The following JPH2 variants were observed in gnomAD, a reference collection of about 807,000 sequenced individuals.
The protein encoded by JPH2 is junctophilin-2.
In JPH2, 38 loss-of-function variants were observed where a neutral mutation model predicts 55.9. That is an observed-to-expected ratio of 0.68 (90% CI 0.52 to 0.89). The LOEUF is 0.89. JPH2 is among the 40% of genes least tolerant of loss of function. The pLI, the probability that JPH2 is intolerant of heterozygous loss-of-function variation, is 0.00. For missense variants in JPH2, 964 were observed against 1,037.6 expected (o/e 0.93, Z 0.97); for synonymous variants, 480 against 472.4 (o/e 1.02, Z -0.21).
chr20:44,159,866 T>C lies in JPH2; in HGVS notation c.921A>G (p.Glu307=). 1 of 1,613,190 alleles carries C rather than the reference T, an allele frequency of 6.2e-7. No individual in the cohort carries two copies. Among genetic ancestry groups the C allele is most frequent in the Non-Finnish European group, 8.5e-7 (1 of 1,179,820 alleles). ...NDKRSGFGVS[E]RSSGLRYEGE... ...CCTCGTAGCGGAGGCCACTGGAGCG[T>C]TCGCTCACGCCGAAGCCCGAGCGTT... The change falls in exon 2 of 6, where the codon GAA becomes GAG. Residue 307 remains glutamate (E), a synonymous_variant. Transcript: ENST00000372980. The surrounding 1 kb of genome is among the most constrained non-coding windows in gnomAD (Gnocchi z 5.7).
intron 2 of JPH2, among the ~76,000 whole-genome samples, chr20:44,141,437 C>A (rs2072455748): frequency 6.6e-6 from 1 of 151,926 alleles, no homozygotes; most frequent in African/African-American, 2.4e-5. Flanking sequence ...CATGGAGCTG[C>A]CATTCAGCCT....
At chr20:44,127,925 T>A (rs2072289223) in intron 2 of JPH2, among the ~76,000 whole-genome samples, 1 of 152,220 alleles carries the variant, frequency 6.6e-6, no homozygotes, top group Admixed American at 6.5e-5. Context: ...CTTCTTAGGA[T>A]AAATGTCTAT....
chr20:44,158,650 T>C (rs62204500), intron 2 of JPH2, among the ~76,000 whole-genome samples: 18,311 of 152,068 alleles, frequency 0.12, 1,261 homozygotes, highest in Middle Eastern at 0.14. Context: ...TGAATGTAGA[T>C]GATAGGGTGG....
At chr20:44,171,367 T>A (rs958239891) in intron 1 of JPH2, among the ~76,000 whole-genome samples, 4 of 152,076 alleles carry the variant, frequency 2.6e-5, no homozygotes, top group Admixed American at 6.5e-5. Flanking sequence ...AGGAGGCAGC[T>A]CCCTTTGTTG....
At chr20:44,148,993 G>A (rs530589509) in intron 2 of JPH2, among the ~76,000 whole-genome samples, 35 of 151,774 alleles carry the variant, frequency 2.3e-4, no homozygotes, top group African/African-American at 7.5e-4. Context: ...CGTGAACCTG[G>A]TAGGCGGAGC....
chr20:44,157,104 A>G (rs1334646437), intron 2 of JPH2, among the ~76,000 whole-genome samples: 1 of 152,126 alleles, frequency 6.6e-6, no homozygotes, highest in African/African-American at 2.4e-5. Flanking sequence ...ATGACTAGTC[A>G]TATTTTTCAA....
intron 1 of JPH2, chr20:44,176,900 C>G (rs1381270654): frequency 1.0e-6 from 1 of 985,136 alleles, no homozygotes; most frequent in African/African-American, 1.7e-5. Context: ...CTGCAGGCTG[C>G]ATGCAGCTGT....
At chr20:44,161,411 A>G (rs78241996) in intron 1 of JPH2, among the ~76,000 whole-genome samples, 16,418 of 152,048 alleles carry the variant, frequency 0.11, 1,126 homozygotes, top group Middle Eastern at 0.14. Flanking sequence ...TCCAAGTCTT[A>G]TGTGTGTGGA....
At chr20:44,132,202 C>G (rs1428749099) in intron 2 of JPH2, among the ~76,000 whole-genome samples, 5 of 152,046 alleles carry the variant, frequency 3.3e-5, no homozygotes, top group African/African-American at 1.2e-4. Context: ...AATCAGGTAG[C>G]AAGGTGTAAA....
intron 1 of JPH2, among the ~76,000 whole-genome samples, chr20:44,171,316 T>G (rs2072696385): frequency 6.6e-6 from 1 of 152,034 alleles, no homozygotes; most frequent in African/African-American, 2.4e-5. Context: ...TTGCCCAAAA[T>G]CAAAGCAAGG....
intron 2 of JPH2, among the ~76,000 whole-genome samples, chr20:44,154,103 C>A (rs1018405186): frequency 6.6e-6 from 1 of 152,140 alleles, no homozygotes; most frequent in Non-Finnish European, 1.5e-5. Flanking sequence ...ATATCTGTAT[C>A]CTTTTCTGCA....
In JPH2 at chr20:44,160,710, G is replaced by A. The variant is rs938610493; in HGVS notation, c.380-303C>T. On this transcript the variant is annotated intron_variant, in intron 1 of 5. Coordinates refer to ENST00000372980, the MANE Select transcript of JPH2 (RefSeq NM_020433.5). The surrounding 1 kb of genome is among the most constrained non-coding windows in gnomAD (Gnocchi z 4.9). ...CGCATGGTAGTGCAAATGTTGGAGA[G>A]CATGGGCTTGTGTGTGTATTTGTGC... Among the ~76,000 whole-genome samples the A allele has an allele frequency of 1.3e-5, 2 of 152,248 alleles. No individual in the cohort carries two copies. Among genetic ancestry groups the A allele is most frequent in the African/African-American group, 2.4e-5 (1 of 41,472 alleles).
intron 1 of JPH2, among the ~76,000 whole-genome samples, chr20:44,179,881 A>G (rs2072765930): frequency 6.6e-6 from 1 of 152,236 alleles, no homozygotes; most frequent in South Asian, 2.1e-4. Flanking sequence ...TATGTAAAAC[A>G]GGAGCCGTAA....
intron 1 of JPH2, among the ~76,000 whole-genome samples, chr20:44,165,889 G>A (rs182093662): frequency 1.3e-5 from 2 of 152,148 alleles, no homozygotes; most frequent in Non-Finnish European, 2.9e-5. Context: ...GATTCAACCC[G>A]TGCCCAAGGT....
rs141664528 is a variant in JPH2, at chr20:44,186,629, T to C, written c.77A>G (p.His26Arg). ...GCCCTTGGGGCCTGTGCACAGTCCA[T>C]GCCCATGGGCCTTTCCCCCCTCCCA... ...GGWEGGKAHG[H>R]GLCTGPKGQG... is the part of the protein sequence containing the mutation. The change falls in exon 1 of 6, where the codon CAT (histidine) becomes CGT (arginine). Residue 26 changes from histidine to arginine, a missense_variant. Coordinates refer to ENST00000372980, the MANE Select transcript of JPH2 (RefSeq NM_020433.5). The C allele has an allele frequency of 1.4e-5, 22 of 1,611,708 alleles. No individual in the cohort carries two copies. The highest frequency in any genetic ancestry group is 1.8e-5 in the Non-Finnish European group (21 of 1,179,970).
chr20:44,134,765 TAA>T, intron 2 of JPH2, among the ~76,000 whole-genome samples: 1 of 107,548 alleles, frequency 9.3e-6, no homozygotes, highest in African/African-American at 3.7e-5. Context: ...TATAAATATA[TAA>T]AAATATTTAT....
chr20:44,179,700 T>G (rs960714606), intron 1 of JPH2, among the ~76,000 whole-genome samples: 8 of 152,232 alleles, frequency 5.3e-5, no homozygotes, highest in Non-Finnish European at 1.0e-4. Context: ...TCTCACGAAT[T>G]ATGAAGCATG....
intron 1 of JPH2, among the ~76,000 whole-genome samples, chr20:44,170,847 G>A (rs191840153): frequency 3.3e-5 from 5 of 152,242 alleles, no homozygotes; most frequent in Admixed American, 2.0e-4. Context: ...TCATCATTTC[G>A]ATGTTACAAT....
intron 1 of JPH2, among the ~76,000 whole-genome samples, chr20:44,162,293 CT>C (rs2072616598): frequency 6.6e-6 from 1 of 152,208 alleles, no homozygotes; most frequent in African/African-American, 2.4e-5. Context: ...GCTCTTCCCT[CT>C]TCCTGGAACT....
Sources: allele counts gnomAD v4.1 joint callset (sites outside exome capture counted in the v4.1 genomes callset), GRCh38; gene constraint gnomAD v4.1.1; non-coding constraint Gnocchi (gnomAD v3.1); transcripts MANE v1.5; gene names NCBI Gene and HGNC (gene_info 2026-07-23, HGNC 2026-07-21).